KIAA0319: variants seen among roughly 807,000 people sequenced by gnomAD.
The protein encoded by KIAA0319 is KIAA0319, also known as dyslexia-associated protein KIAA0319.
Under a neutral mutation model 108.4 loss-of-function variants are expected in KIAA0319, and 83 were observed. The observed-to-expected ratio is 0.77, with a 90% CI of 0.64 to 0.92. The LOEUF is 0.92. KIAA0319 is among the 40% of genes least tolerant of loss of function. The pLI, the probability that KIAA0319 is intolerant of heterozygous loss-of-function variation, is 0.00. For synonymous variants in KIAA0319, 484 were observed against 510.4 expected, an observed-to-expected ratio of 0.95 and a Z score of 0.70; for missense variants, 1,195 against 1,322.4, an observed-to-expected ratio of 0.90 and a Z score of 1.49.
At chr6:24,612,043 GT>G (rs1320496428) in intron 1 of KIAA0319, among the ~76,000 whole-genome samples, 1 of 76,042 alleles carries the variant, frequency 1.3e-5, no homozygotes, top group East Asian at 5.8e-4. Flanking sequence ...GTGAGACTTT[GT>G]TTCAAAAAAA....
At chr6:24,541,713 G>A (rs1459964413), downstream of KIAA0319, among the ~76,000 whole-genome samples, 6 of 152,092 alleles carry the variant, frequency 3.9e-5, no homozygotes, top group African/African-American at 7.2e-5. Context: ...CAGGAGAATC[G>A]CTTGAACTGG....
At chr6:24,598,203 C>T (rs1770034911) in intron 2 of KIAA0319, 2 of 495,658 alleles carry the variant, frequency 4.0e-6, no homozygotes, top group Non-Finnish European at 3.7e-6. Context: ...ATGGCGGGAC[C>T]AGTGGTATGG....
intron 10 of KIAA0319, 50 bp downstream of exon 10, chr6:24,576,318 A>T: frequency 1.5e-6 from 2 of 1,332,268 alleles, no homozygotes; most frequent in Non-Finnish European, 2.1e-6. Context: ...ATAGCTAGGT[A>T]GACAGACAGA....
intron 1 of KIAA0319, among the ~76,000 whole-genome samples, chr6:24,607,909 G>A (rs112182022): frequency 2.6e-5 from 4 of 152,226 alleles, no homozygotes; most frequent in Non-Finnish European, 5.9e-5. Context: ...GTCCCCAACT[G>A]TGAACGAACT....
At chr6:24,570,771 T>C (rs948372399) in intron 11 of KIAA0319, among the ~76,000 whole-genome samples, 1 of 152,110 alleles carries the variant, frequency 6.6e-6, no homozygotes, top group Non-Finnish European at 1.5e-5. Flanking sequence ...TGAAGAGACC[T>C]GCTTTATCAG....
intron 1 of KIAA0319, among the ~76,000 whole-genome samples, chr6:24,613,722 C>A (rs1317744363): frequency 6.6e-6 from 1 of 151,400 alleles, no homozygotes; most frequent in East Asian, 1.9e-4. Flanking sequence ...GAAAACAAAC[C>A]ACTGAACAAA....
intron 1 of KIAA0319, among the ~76,000 whole-genome samples, chr6:24,638,557 G>A (rs1012784285): frequency 4.6e-5 from 7 of 152,140 alleles, no homozygotes; most frequent in African/African-American, 7.2e-5. Flanking sequence ...TCAGGAGATC[G>A]AGACCATCCT....
chr6:24,566,569 C>G, intron 14 of KIAA0319, 28 bp downstream of exon 14: 1 of 1,583,102 alleles, frequency 6.3e-7, no homozygotes, highest in Non-Finnish European at 8.6e-7. Flanking sequence ...GATAAGTGGT[C>G]TAGGAGCAAT....
At chr6:24,595,390 C>T (rs1460481805) in intron 3 of KIAA0319, among the ~76,000 whole-genome samples, 2 of 151,682 alleles carry the variant, frequency 1.3e-5, no homozygotes, top group South Asian at 2.1e-4. Flanking sequence ...ACTAAAAATA[C>T]AAAAAAATTA....
intron 16 of KIAA0319, among the ~76,000 whole-genome samples, chr6:24,562,354 G>A (rs1041386882): frequency 2.6e-5 from 4 of 152,196 alleles, no homozygotes; most frequent in African/African-American, 4.8e-5. Context: ...TTTAGAAAGA[G>A]TTCCTTAGAA....
chr6:24,633,024 C>T lies in KIAA0319; in HGVS notation c.-106+12712G>A, dbSNP rs115347375. On this transcript the variant is annotated intron_variant, in intron 1 of 20. Transcript: ENST00000378214. ...GCCAGGGACCAGCTGGGAGAAAATA[C>T]AGGCAAGGAAGATATTCCAAACCCT... is the stretch of plus-strand genomic sequence containing the variant. 2.6e-4 allele frequency among the ~76,000 whole-genome samples: 40 copies of T among 152,268 alleles called. 1 individual carries two copies. Among genetic ancestry groups the T allele is most frequent in the Non-Finnish European group, 5.6e-4 (38 of 68,020 alleles).
chr6:24,595,568 A>AAAAAAAAG, intron 3 of KIAA0319, among the ~76,000 whole-genome samples: 2 of 150,288 alleles, frequency 1.3e-5, no homozygotes, highest in Non-Finnish European at 3.0e-5. Flanking sequence ...AAAAAAAAAA[A>AAAAAAAAG]AACGCTACAG....
At chr6:24,587,851 G>A (rs1767784988) in intron 4 of KIAA0319, among the ~76,000 whole-genome samples, 1 of 152,148 alleles carries the variant, frequency 6.6e-6, no homozygotes, top group African/African-American at 2.4e-5. Context: ...GCTTCCCAAA[G>A]GGCTGGAATT....
In KIAA0319 at chr6:24,554,569, T is replaced by C; in HGVS notation, c.2920A>G (p.Thr974Ala). The change falls in exon 19 of 21, where the codon ACT becomes GCT. Residue 974 changes from threonine (T) to alanine (A), a missense_variant. Transcript: ENST00000378214. ...TTGCAGCAGCAGATGCAAAGCCAAG[T>C]GAAACCTCCTGTTAGCACAATAAGA... ...FTLIVLTGGF[T>A]WLCICCCKRQ... 6.2e-7 allele frequency: 1 copy of C among 1,613,972 alleles called. No homozygotes were observed. The highest frequency in any genetic ancestry group is 8.5e-7 in the Non-Finnish European group (1 of 1,179,914).
chr6:24,543,920 C>T (rs1760316230), downstream of KIAA0319, among the ~76,000 whole-genome samples: 2 of 152,308 alleles, frequency 1.3e-5, no homozygotes, highest in African/African-American at 4.8e-5. Context: ...TCAGTTCTTC[C>T]GGAACACTTG....
chr6:24,557,178 C>T (rs1762418067), intron 17 of KIAA0319, among the ~76,000 whole-genome samples: 1 of 151,030 alleles, frequency 6.6e-6, no homozygotes, highest in South Asian at 2.1e-4. Context: ...GCACTCCAGC[C>T]TGGTGACAGA....
intron 18 of KIAA0319, among the ~76,000 whole-genome samples, 162 bp downstream of exon 18, chr6:24,556,445 G>A (rs1253861078): frequency 6.6e-6 from 1 of 152,128 alleles, no homozygotes; most frequent in Non-Finnish European, 1.5e-5. Context: ...GAGACTACAG[G>A]CATGCATCAC....
Position 24,562,643 on chromosome 6 carries a change from C to A in KIAA0319, c.2591+716G>T, listed in dbSNP as rs538315998. Reference sequence around the variant, plus strand: ...TCACTTGAGGTCAGGAGTTTGAGACCAGCCTGGTCAACAAGATGAAACCCT... The same window carrying A: ...TCACTTGAGGTCAGGAGTTTGAGACAAGCCTGGTCAACAAGATGAAACCCT... On this transcript the variant is annotated intron_variant, in intron 16 of 20. Transcript: ENST00000378214. Among the ~76,000 whole-genome samples the A allele has an allele frequency of 1.3e-4, 20 of 152,250 alleles. No homozygotes were observed. The East Asian group carries it at 3.7e-3, about 28-fold the overall frequency.
chr6:24,607,353 T>G (rs1161307875), intron 1 of KIAA0319, among the ~76,000 whole-genome samples: 8 of 38,644 alleles, frequency 2.1e-4, no homozygotes, highest in Non-Finnish European at 4.0e-4. Flanking sequence ...CTAGACTCCA[T>G]CTCAAAAAAA....
Sources: gnomAD v4.1 joint callset for allele counts (sites outside exome capture counted in the v4.1 genomes callset) on GRCh38, gnomAD v4.1.1 for gene constraint, MANE v1.5 for transcripts, NCBI Gene and HGNC (gene_info 2026-07-23, HGNC 2026-07-21) for gene names.